The following TSPAN10 variants were observed in gnomAD, a reference collection of about 807,000 sequenced individuals.
TSPAN10 encodes the protein tetraspanin 10, also known as tetraspanin-10.
TSPAN10 carries 11 observed loss-of-function variants against 15.0 expected under a neutral mutation model. The ratio of observed to expected loss-of-function variants is 0.73; its 90% CI spans 0.46 to 1.21. TSPAN10 has a LOEUF of 1.21. Ranked by LOEUF, TSPAN10 falls within the 50% of genes most tolerant of loss-of-function variation. The probability of loss-of-function intolerance (pLI) is 0.00; values close to 1 mark genes in which losing one functional copy is unlikely to be tolerated. For missense variants in TSPAN10, 486 were observed against 470.6 expected, an observed-to-expected ratio of 1.03 and a Z score of -0.30; for synonymous variants, 241 against 226.2, an observed-to-expected ratio of 1.07 and a Z score of -0.59.
Position 81,648,121 on chromosome 17 carries a change from A to G in TSPAN10, c.895A>G (p.Ile299Val), listed in dbSNP as rs963366667. Residue 299 changes from isoleucine (I) to valine (V), a missense_variant, in exon 3 of 3, where the codon ATC (isoleucine) becomes GTC (valine). Coordinates refer to ENST00000611590, the Ensembl canonical transcript of TSPAN10. ...CCTGGCTGCCTCGGGCGGCTACGCA[A>G]TCGCGGTGGTGCTGCTGCAGGGCGC... The G allele has an allele frequency of 4.5e-6, 7 of 1,555,468 alleles. No homozygotes were observed. In the African/African-American group the frequency reaches 9.5e-5, roughly 21 times the overall value.
downstream of TSPAN10, chr17:81,648,692 GA>G: frequency 5.8e-6 from 1 of 173,266 alleles, no homozygotes; most frequent in Non-Finnish European, 1.2e-5. Flanking sequence ...CATTTTTGGG[GA>G]GATAGTAAAT....
At chr17:81,646,042 A>AG in intron 2 of TSPAN10, 1 of 301,954 alleles carries the variant, frequency 3.3e-6, no homozygotes, top group Non-Finnish European at 6.2e-6. Flanking sequence ...TCCCCCCGCC[A>AG]GGGCCAGGAG....
intron 1 of TSPAN10, among the ~76,000 whole-genome samples, chr17:81,643,376 C>A (rs2036200135): frequency 5.1e-5 from 2 of 39,576 alleles, no homozygotes; most frequent in Non-Finnish European, 4.0e-5. Flanking sequence ...CTTTGGGAGG[C>A]CGAGGCGGGC....
chr17:81,647,770 G>C, intron 2 of TSPAN10, 131 bp from the exon 4 acceptor site: 1 of 896,522 alleles, frequency 1.1e-6, no homozygotes, highest in South Asian at 1.5e-5. Flanking sequence ...ATAGGAGGGC[G>C]TATGCACGTG....
intron 1 of TSPAN10, among the ~76,000 whole-genome samples, chr17:81,644,182 A>T (rs1242075736): frequency 1.3e-5 from 2 of 150,892 alleles, no homozygotes; most frequent in African/African-American, 2.4e-5. Context: ...TTTTAAAAAA[A>T]CTCTTCCCGG....
upstream of TSPAN10, among the ~76,000 whole-genome samples, chr17:81,641,547 A>G (rs1203793687): frequency 6.6e-6 from 1 of 152,030 alleles, no homozygotes; most frequent in Admixed American, 6.6e-5. Flanking sequence ...CGCGCGCCTG[A>G]AACCCTCTGC....
intron 2 of TSPAN10, chr17:81,645,932 G>A (rs1598711692): frequency 3.7e-6 from 2 of 537,282 alleles, no homozygotes; most frequent in Non-Finnish European, 6.7e-6. Flanking sequence ...ACACACACGT[G>A]TCATGCACAC....
upstream of TSPAN10, among the ~76,000 whole-genome samples, chr17:81,639,830 AT>A (rs1359396986): frequency 6.6e-6 from 1 of 151,598 alleles, no homozygotes; most frequent in African/African-American, 2.4e-5. Flanking sequence ...TAAAAAAAAA[AT>A]TAGCCGGGCG....
intron 1 of TSPAN10, 147 bp from the exon 3 acceptor site, chr17:81,644,845 G>A (rs1013667242): frequency 7.8e-5 from 91 of 1,169,472 alleles, no homozygotes; most frequent in Non-Finnish European, 9.3e-5. Context: ...CTGGCTGTCC[G>A]CATCTCTGAG....
At chr17:81,640,911 G>A (rs903040291), upstream of TSPAN10, among the ~76,000 whole-genome samples, 1 of 152,032 alleles carries the variant, frequency 6.6e-6, no homozygotes, top group African/African-American at 2.4e-5. Flanking sequence ...GGTGGCTCAC[G>A]CCTGTAATCC....
upstream of TSPAN10, among the ~76,000 whole-genome samples, chr17:81,639,922 G>A (rs1329821863): frequency 1.3e-5 from 2 of 151,860 alleles, no homozygotes; most frequent in Non-Finnish European, 2.9e-5. Context: ...AGAGCTTGCA[G>A]TGAGCCGAGA....
intron 1 of TSPAN10, among the ~76,000 whole-genome samples, chr17:81,644,317 T>C (rs2036214093): frequency 8.5e-6 from 1 of 117,128 alleles, no homozygotes; most frequent in Non-Finnish European, 1.7e-5. Context: ...TCCTGGGCTC[T>C]TGGGCACCCT....
upstream of TSPAN10, among the ~76,000 whole-genome samples, chr17:81,639,715 A>C (rs2036161095): frequency 6.6e-6 from 1 of 150,472 alleles, no homozygotes; most frequent in Non-Finnish European, 1.5e-5. Flanking sequence ...GCGGTGGCTC[A>C]CGCCTGTCAT....
At position 81,645,457 on chromosome 17, in the gene TSPAN10, G is replaced by GGCGA; in HGVS notation, c.503_504insCGAG (p.Ala169GlufsTer61). On this transcript the variant is annotated frameshift_variant, in exon 2 of 3. Transcript: ENST00000611590. LOFTEE classifies it high-confidence loss of function. ...CTTCCTGGTGCTTGAGGCCGTGGCG[G>GGCGA]GGGCCCTGGTGGTGGCCCTCTGGGG... The GGCGA allele has an allele frequency of 1.3e-6, 2 of 1,589,768 alleles. No individual in the cohort carries two copies. Among genetic ancestry groups the GGCGA allele is most frequent in the Non-Finnish European group, 1.7e-6 (2 of 1,170,994 alleles).
chr17:81,638,259 T>TA (rs2036136705), upstream of TSPAN10: 1 of 151,796 alleles, frequency 6.6e-6, no homozygotes, highest in Non-Finnish European at 1.5e-5. Context: ...CAAAAAAAAT[T>TA]AGTGTCCTTG....
chr17:81,648,688 T>G (rs1042794509), downstream of TSPAN10: 7 of 175,784 alleles, frequency 4.0e-5, no homozygotes, highest in Non-Finnish European at 7.2e-5. Flanking sequence ...AGTGCATTTT[T>G]GGGGAGATAG....
At chr17:81,648,027 G>A (rs1181836528) in exon 3 of TSPAN10, 1 of 1,604,846 alleles carries the variant, frequency 6.2e-7, no homozygotes, top group Admixed American at 1.7e-5. Flanking sequence ...GCCTGGATGC[G>A]GACGCAGCTC....
upstream of TSPAN10, among the ~76,000 whole-genome samples, chr17:81,639,427 C>T (rs1305141206): frequency 1.0e-3 from 155 of 151,436 alleles, no homozygotes; most frequent in South Asian, 2.7e-3. Flanking sequence ...AGGCTGGTCT[C>T]GATCTCCTGA....
intron 1 of TSPAN10, among the ~76,000 whole-genome samples, chr17:81,642,765 C>T (rs950636059): frequency 2.0e-5 from 3 of 152,294 alleles, no homozygotes; most frequent in African/African-American, 7.2e-5. Flanking sequence ...CCAACGGCCT[C>T]TGGCCCCCAG....
Sources: allele counts gnomAD v4.1 joint callset (sites outside exome capture counted in the v4.1 genomes callset), GRCh38; gene constraint gnomAD v4.1.1; transcripts MANE v1.5; gene names NCBI Gene and HGNC (gene_info 2026-07-23, HGNC 2026-07-21).